SNX29: variants seen among roughly 807,000 people sequenced by gnomAD.
SNX29 encodes sorting nexin 29, also known as sorting nexin-29.
Under a neutral mutation model 102.1 loss-of-function variants are expected in SNX29, and 78 were observed. The observed-to-expected ratio is 0.76, with a 90% CI of 0.64 to 0.92. The LOEUF (loss-of-function observed/expected upper bound fraction) is 0.92. SNX29 is among the 40% of genes least tolerant of loss of function. The pLI is 0.00. For missense variants in SNX29, 1,280 were observed against 1,061.7 expected, an observed-to-expected ratio of 1.21 and a Z score of -2.86; for synonymous variants, 580 against 414.5, an observed-to-expected ratio of 1.40 and a Z score of -4.85.
chr16:12,371,392 G>A (rs2082677082), intron 16 of SNX29, among the ~76,000 whole-genome samples: 1 of 152,030 alleles, frequency 6.6e-6, no homozygotes, highest in African/African-American at 2.4e-5. Context: ...TCAAACTCCT[G>A]GGCTCAGCGA....
chr16:12,530,737 G>T (rs192262285), intron 20 of SNX29, among the ~76,000 whole-genome samples: 19 of 152,210 alleles, frequency 1.2e-4, no homozygotes, highest in Middle Eastern at 6.8e-3. Context: ...TGTATTTTTA[G>T]TAGAGACGGG....
chr16:12,277,792 TAGTA>T (rs2079301299), intron 14 of SNX29, 137 bp from the exon 15 acceptor site: 8 of 646,468 alleles, frequency 1.2e-5, no homozygotes, highest in South Asian at 3.7e-5. Flanking sequence ...TTGAAGTAGT[TAGTA>T]AGTGTGTGTG....
At chr16:12,549,180 G>T (rs117690001) in intron 20 of SNX29, among the ~76,000 whole-genome samples, 10 of 152,162 alleles carry the variant, frequency 6.6e-5, no homozygotes, top group South Asian at 2.1e-4. Context: ...TGGAGTGTCT[G>T]CAGGGGCTAG....
At chr16:12,563,491 T>C (rs191007243) in intron 20 of SNX29, among the ~76,000 whole-genome samples, 12 of 152,304 alleles carry the variant, frequency 7.9e-5, no homozygotes, top group Admixed American at 3.3e-4. Flanking sequence ...AATAGGGCTA[T>C]TAAAACGGGG....
At chr16:11,991,931 A>G (rs2055870305) in intron 1 of SNX29, among the ~76,000 whole-genome samples, 1 of 152,008 alleles carries the variant, frequency 6.6e-6, no homozygotes, top group East Asian at 1.9e-4. Context: ...CCTTGGGAGA[A>G]TCCTACTGTA....
At chr16:12,425,765 TTCTGAATTCCTC>T (rs1370155510) in intron 18 of SNX29, among the ~76,000 whole-genome samples, 1 of 152,124 alleles carries the variant, frequency 6.6e-6, no homozygotes, top group African/African-American at 2.4e-5. Context: ...AGGAATTCAT[TTCTGAATTCCTC>T]TCGGAATTCC....
chr16:12,357,788 T>A (rs1159616852), intron 16 of SNX29, among the ~76,000 whole-genome samples: 2 of 152,216 alleles, frequency 1.3e-5, no homozygotes, highest in African/African-American at 2.4e-5. Context: ...AACAGAGTCT[T>A]CTCTCATCTC....
chr16:12,554,253 C>G (rs117062866), intron 20 of SNX29, among the ~76,000 whole-genome samples: 53 of 152,364 alleles, frequency 3.5e-4, no homozygotes, highest in South Asian at 1.9e-3. Flanking sequence ...TGCATCGTCT[C>G]TGCCTTTTGG....
At chr16:12,524,206 C>A (rs1009998315) in intron 19 of SNX29, among the ~76,000 whole-genome samples, 3 of 152,154 alleles carry the variant, frequency 2.0e-5, no homozygotes, top group Non-Finnish European at 2.9e-5. Context: ...AAACCTCTTT[C>A]TTAATCAGTG....
intron 14 of SNX29, among the ~76,000 whole-genome samples, chr16:12,228,519 T>G (rs2077681184): frequency 6.6e-6 from 1 of 152,244 alleles, no homozygotes; most frequent in African/African-American, 2.4e-5. Flanking sequence ...AGCTTTCTTT[T>G]AAAACTACAA....
intron 2 of SNX29, among the ~76,000 whole-genome samples, chr16:12,002,223 G>A (rs1284656870): frequency 6.6e-6 from 1 of 152,078 alleles, no homozygotes; most frequent in East Asian, 1.9e-4. Context: ...CAAGGCGGTC[G>A]GATCACCTGA....
chr16:12,511,072 T>G (rs752362873), intron 19 of SNX29, among the ~76,000 whole-genome samples: 1 of 152,218 alleles, frequency 6.6e-6, no homozygotes, highest in Non-Finnish European at 1.5e-5. Context: ...GGGGTTCTGT[T>G]GAGACATAAA....
intron 20 of SNX29, among the ~76,000 whole-genome samples, chr16:12,553,564 C>T (rs2078127783): frequency 6.6e-6 from 1 of 151,848 alleles, no homozygotes; most frequent in South Asian, 2.1e-4. Flanking sequence ...TAAGCAGGAG[C>T]TGTGGGCTCT....
At chr16:12,546,362 G>A (rs550497541) in intron 20 of SNX29, 6 of 152,160 alleles carry the variant, frequency 3.9e-5, no homozygotes, top group African/African-American at 1.2e-4. Flanking sequence ...TGTGGCTGGG[G>A]AGGCCTCACA....
chr16:12,192,147 C>T (rs1341359912), intron 13 of SNX29, among the ~76,000 whole-genome samples: 9 of 152,140 alleles, frequency 5.9e-5, no homozygotes, highest in Non-Finnish European at 1.0e-4. Context: ...GGCCTAATTG[C>T]TTTGACTTAC....
At chr16:12,463,248 A>G (rs1378929883) in intron 18 of SNX29, among the ~76,000 whole-genome samples, 1 of 152,238 alleles carries the variant, frequency 6.6e-6, no homozygotes, top group African/African-American at 2.4e-5. Flanking sequence ...ATATCCACAC[A>G]ACACAACTGA....
At chr16:12,564,711 C>T (rs11648724) in intron 20 of SNX29, among the ~76,000 whole-genome samples, 16,309 of 152,070 alleles carry the variant, frequency 0.11, 1,067 homozygotes, top group Non-Finnish European at 0.14. Flanking sequence ...GCTGCAAGCC[C>T]ACTTTGTTAT....
At chr16:12,048,237 T>G in intron 6 of SNX29, 135 bp from the exon 7 acceptor site, 6 of 1,262,430 alleles carry the variant, frequency 4.8e-6, no homozygotes, top group East Asian at 2.4e-5. Flanking sequence ...AACGTCCGCA[T>G]GGGAGGTATT....
At chr16:12,557,150 C>G (rs1299088331) in intron 20 of SNX29, among the ~76,000 whole-genome samples, 1 of 152,204 alleles carries the variant, frequency 6.6e-6, no homozygotes. Flanking sequence ...CCCCTGGTCA[C>G]AATTTCCATT....
Sources: gnomAD v4.1 joint callset for allele counts (sites outside exome capture counted in the v4.1 genomes callset) on GRCh38, gnomAD v4.1.1 for gene constraint, MANE v1.5 for transcripts, NCBI Gene and HGNC (gene_info 2026-07-23, HGNC 2026-07-21) for gene names.